Variants in DAAM1 observed in about 807,000 individuals in gnomAD.
DAAM1 encodes disheveled-associated activator of morphogenesis 1.
In DAAM1, 52 loss-of-function variants were observed where a neutral mutation model predicts 130.0. That is an observed-to-expected ratio of 0.40 (90% CI 0.32 to 0.50). The LOEUF is 0.50. DAAM1 is among the 20% of genes least tolerant of loss of function. The pLI is 0.61. For missense variants in DAAM1, 1,134 were observed against 1,303.8 expected (o/e 0.87, Z 2.01); for synonymous variants, 452 against 444.5 (o/e 1.02, Z -0.21).
At chr14:59,217,408 G>A (rs1363239946) in intron 1 of DAAM1, among the ~76,000 whole-genome samples, 1 of 152,178 alleles carries the variant, frequency 6.6e-6, no homozygotes, top group Non-Finnish European at 1.5e-5. Context: ...TTTCACTGTA[G>A]ATGGGCTTCT....
At chr14:59,258,943 A>G (rs1882036751) in intron 1 of DAAM1, among the ~76,000 whole-genome samples, 1 of 152,146 alleles carries the variant, frequency 6.6e-6, no homozygotes, top group Admixed American at 6.5e-5. Flanking sequence ...TCTGTGTCTT[A>G]TTACCCATCT....
intron 17 of DAAM1, among the ~76,000 whole-genome samples, chr14:59,350,402 C>T (rs554552700): frequency 7.2e-5 from 11 of 152,122 alleles, no homozygotes; most frequent in African/African-American, 2.7e-4. Context: ...ACCACACATA[C>T]ACACCTACAC....
At chr14:59,290,050 G>T (rs1379551430) in intron 2 of DAAM1, among the ~76,000 whole-genome samples, 1 of 151,792 alleles carries the variant, frequency 6.6e-6, no homozygotes, top group Non-Finnish European at 1.5e-5. Flanking sequence ...CTTAGTGATG[G>T]GATCATTTGT....
At chr14:59,228,573 G>T (rs992490513) in intron 1 of DAAM1, among the ~76,000 whole-genome samples, 7 of 152,152 alleles carry the variant, frequency 4.6e-5, no homozygotes, top group Admixed American at 2.0e-4. Context: ...AAATACCTCT[G>T]TAGAAACAGG....
intron 5 of DAAM1, among the ~76,000 whole-genome samples, chr14:59,321,096 A>G (rs1433635359): frequency 6.6e-6 from 1 of 150,760 alleles, no homozygotes; most frequent in Admixed American, 6.6e-5. Flanking sequence ...ATGAAATGTT[A>G]TATATCCACA....
chr14:59,268,835 C>T (rs1005592893), intron 2 of DAAM1, among the ~76,000 whole-genome samples: 2 of 152,078 alleles, frequency 1.3e-5, no homozygotes, highest in Non-Finnish European at 2.9e-5. Context: ...GAAATATAAC[C>T]AATATGAATA....
At chr14:59,264,481 A>G (rs1882339791) in intron 2 of DAAM1, 1 of 152,216 alleles carries the variant, frequency 6.6e-6, no homozygotes, top group African/African-American at 2.4e-5. Context: ...TCTGAAGGAA[A>G]AAAACATCTT....
At chr14:59,304,107 A>G (rs1339709018) in intron 3 of DAAM1, among the ~76,000 whole-genome samples, 1 of 152,104 alleles carries the variant, frequency 6.6e-6, no homozygotes, top group African/African-American at 2.4e-5. Context: ...TCCAAATGGT[A>G]TGGCCCATAC....
chr14:59,276,026 C>T (rs1017063618), intron 2 of DAAM1, among the ~76,000 whole-genome samples: 2 of 152,198 alleles, frequency 1.3e-5, no homozygotes, highest in African/African-American at 4.8e-5. Flanking sequence ...TTATGTTTTT[C>T]CTGACTGGTT....
intron 1 of DAAM1, among the ~76,000 whole-genome samples, chr14:59,263,197 A>T (rs1359633680): frequency 6.6e-6 from 1 of 152,210 alleles, no homozygotes; most frequent in Non-Finnish European, 1.5e-5. Flanking sequence ...TGTTGTCAGG[A>T]GAGTGGCTGG....
At chr14:59,363,544 T>C (rs113965910) in intron 22 of DAAM1, 107 bp from the exon 23 acceptor site, 1 of 1,490,198 alleles carries the variant, frequency 6.7e-7, no homozygotes, top group Non-Finnish European at 9.1e-7. Flanking sequence ...TTTGATGTGT[T>C]TGCCATTCTG....
intron 2 of DAAM1, among the ~76,000 whole-genome samples, chr14:59,282,175 G>A (rs2033795): frequency 0.065 from 9,896 of 152,118 alleles, 416 homozygotes; most frequent in Non-Finnish European, 0.097. Flanking sequence ...TGTGTAACAT[G>A]TTCCCTCATA....
At chr14:59,239,687 T>G (rs1236498397) in intron 1 of DAAM1, among the ~76,000 whole-genome samples, 1 of 152,152 alleles carries the variant, frequency 6.6e-6, no homozygotes, top group African/African-American at 2.4e-5. Flanking sequence ...TCTGTCTCTC[T>G]CAAATTCTGC....
rs1449226672 is a variant in DAAM1, at chr14:59,369,519, A to AGTT, written c.*662_*664dup. 6.6e-6 allele frequency: 1 copy of AGTT among 152,538 alleles called. No homozygotes were observed. The highest frequency in any genetic ancestry group is 6.6e-5 in the Admixed American group (1 of 15,254). The allele number at this position is 152,538 out of a possible 1,614,324, so 9.4% of individuals were successfully genotyped here. A position where few individuals can be genotyped will look rare whatever the true frequency, so the allele number is the denominator to read the frequency against. On this transcript the variant is annotated 3_prime_UTR_variant, in exon 25 of 25. Coordinates refer to ENST00000360909, the MANE Select transcript of DAAM1 (RefSeq NM_001270520.2). The stretch of plus-strand genomic sequence containing the variant: ...TCAATCAAGTTTTTGTATATTTAAA[A>AGTT]GTTGGACATCAATTTTTTCCCCTGA...
chr14:59,223,778 ACTTCAT>A (rs1254976617), intron 1 of DAAM1, among the ~76,000 whole-genome samples: 1 of 152,194 alleles, frequency 6.6e-6, no homozygotes, highest in African/African-American at 2.4e-5. Context: ...AACAACTTGT[ACTTCAT>A]CTTGGAAGGG....
Position 59,370,144 on chromosome 14 carries a change from CTTTTTTTTTTTTTTT to C in DAAM1, c.*1297_*1311del, listed in dbSNP as rs398025271. The C allele has an allele frequency of 2.1e-5, 2 of 95,400 alleles. No individual in the cohort carries two copies. The highest frequency in any genetic ancestry group is 4.3e-5 in the Non-Finnish European group (2 of 46,364). The allele number at this position is 95,400 out of a possible 1,614,324, so 5.9% of individuals were successfully genotyped here. A position where few individuals can be genotyped will look rare whatever the true frequency, so the allele number is the denominator to read the frequency against. ...TATAAAGAGGACTGTTACTTTTTTA[CTTTTTTTTTTTTTTT>C]TTTTTTTTTTTGGCTTTGCTTTATT... On this transcript the variant is annotated 3_prime_UTR_variant, in exon 25 of 25. Coordinates refer to ENST00000360909, the MANE Select transcript of DAAM1 (RefSeq NM_001270520.2).
At chr14:59,353,312 T>C (rs1404882149) in intron 18 of DAAM1, among the ~76,000 whole-genome samples, 4 of 152,176 alleles carry the variant, frequency 2.6e-5, no homozygotes, top group Non-Finnish European at 5.9e-5. Flanking sequence ...CACAGTTTTC[T>C]CCTTTAGGGG....
At chr14:59,274,146 C>A (rs1566679080) in intron 2 of DAAM1, among the ~76,000 whole-genome samples, 1 of 152,110 alleles carries the variant, frequency 6.6e-6, no homozygotes, top group Admixed American at 6.5e-5. Context: ...AACCAGATTC[C>A]TGAAAAAGTT....
chr14:59,289,245 A>G (rs1351793677), intron 2 of DAAM1, among the ~76,000 whole-genome samples: 1 of 152,092 alleles, frequency 6.6e-6, no homozygotes, highest in Non-Finnish European at 1.5e-5. Flanking sequence ...ATCAGATCTA[A>G]TAGGAACTCA....
Sources: gnomAD v4.1 joint callset for allele counts (sites outside exome capture counted in the v4.1 genomes callset) on GRCh38, gnomAD v4.1.1 for gene constraint, MANE v1.5 for transcripts, NCBI Gene and HGNC (gene_info 2026-07-23, HGNC 2026-07-21) for gene names.